YTHDF3: variants seen among roughly 807,000 people sequenced by gnomAD.
YTHDF3 encodes the protein YTH domain-containing family protein 3.
A neutral mutation model predicts 52.5 loss-of-function variants in YTHDF3; 9 were observed. The observed-to-expected ratio is 0.17, with a 90% confidence interval of 0.10 to 0.30. The LOEUF (loss-of-function observed/expected upper bound fraction) is 0.30, where lower values mean the gene tolerates loss of function less well. Ranked by LOEUF, YTHDF3 falls within the 10% of genes least tolerant of loss-of-function variation. YTHDF3 has a pLI of 1.00. For synonymous variants in YTHDF3, 274 were observed against 243.3 expected (o/e 1.13, Z -1.18); for missense variants, 534 against 715.0 (o/e 0.75, Z 2.89).
intron 1 of YTHDF3, 95 bp downstream of exon 1, chr8:63,168,996 C>A: frequency 1.3e-6 from 2 of 1,507,630 alleles, no homozygotes; most frequent in Non-Finnish European, 1.8e-6. Context: ...CCGCCGCTGC[C>A]GGCCCCATAA....
At chr8:63,208,666 T>C (rs1810189945) in intron 4 of YTHDF3, among the ~76,000 whole-genome samples, 1 of 152,232 alleles carries the variant, frequency 6.6e-6, no homozygotes, top group Non-Finnish European at 1.5e-5. Flanking sequence ...GTTCAGTTGA[T>C]AGGCATGTAC....
At chr8:63,200,306 G>T (rs1809521423) in intron 4 of YTHDF3, among the ~76,000 whole-genome samples, 1 of 152,162 alleles carries the variant, frequency 6.6e-6, no homozygotes, top group Non-Finnish European at 1.5e-5. Flanking sequence ...AGTAAGCTGA[G>T]GAGGCAGTAG....
chr8:63,180,044 C>T (rs1470913563), intron 3 of YTHDF3, among the ~76,000 whole-genome samples: 11 of 151,326 alleles, frequency 7.3e-5, no homozygotes, highest in African/African-American at 9.7e-5. Context: ...ATCTCCCTCC[C>T]GGACGGGGCG....
At position 63,187,153 on chromosome 8, in the gene YTHDF3, C is replaced by T. The variant is rs773417481; in HGVS notation, c.1142C>T (p.Pro381Leu). ...GAAAACTTTGGTTTAGGTGTTGTAC[C>T]TGTCAGTGCTTCACCTTCTAGTGTA... is the stretch of plus-strand genomic sequence containing the variant. ...GSENFGLGVVPVSASPSSVEV... is the reference protein window; with the variant it reads ...GSENFGLGVVLVSASPSSVEV... The change falls in exon 4 of 5, where the codon CCT becomes CTT. Residue 381 changes from proline (P) to leucine (L), a missense_variant. Around this residue, in one of 3 missense-constraint regions of YTHDF3, gnomAD observed 203 missense variants for 201.3 expected, o/e 1.01. Transcript: ENST00000539294. 1.7e-5 allele frequency: 28 copies of T among 1,613,828 alleles called. No individual in the cohort carries two copies. Among genetic ancestry groups the T allele is most frequent in the Middle Eastern group, 1.6e-4 (1 of 6,084 alleles).
At chr8:63,206,748 GT>G (rs939931522) in intron 4 of YTHDF3, among the ~76,000 whole-genome samples, 3 of 149,256 alleles carry the variant, frequency 2.0e-5, no homozygotes, top group African/African-American at 7.4e-5. Flanking sequence ...CTTTTCTATT[GT>G]TTTTTTTTCC....
chr8:63,198,345 C>T, intron 4 of YTHDF3, among the ~76,000 whole-genome samples: 1 of 152,152 alleles, frequency 6.6e-6, no homozygotes, highest in East Asian at 1.9e-4. Context: ...GGGCTCACTG[C>T]AGTCTCCACC....
rs773834763 is a variant in YTHDF3 at position 63,187,138 on chromosome 8, G to C, written c.1127G>C (p.Gly376Ala). 10 of 1,613,954 alleles carry C rather than the reference G, an allele frequency of 6.2e-6. No individual in the cohort carries two copies. Among genetic ancestry groups the C allele is most frequent in the South Asian group, 5.5e-5 (5 of 91,078 alleles). The part of the protein sequence containing the change: ...QNNGAGSENF[G>A]LGVVPVSASP... ...AATGGAGCGGGCAGTGAAAACTTTG[G>C]TTTAGGTGTTGTACCTGTCAGTGCT... The change falls in exon 4 of 5, where the codon GGT (glycine) becomes GCT (alanine). Residue 376 changes from glycine (G) to alanine (A), a missense_variant. Gly to Ala is a moderately conservative substitution (Grantham distance 60). Around this residue, in one of 3 missense-constraint regions of YTHDF3, gnomAD observed 203 missense variants for 201.3 expected, o/e 1.01. Transcript: ENST00000539294.
rs751669769 is a variant in YTHDF3 at position 63,187,167 on chromosome 8, C to T, written c.1156C>T (p.Pro386Ser). 10 of 1,613,864 alleles carry T rather than the reference C, an allele frequency of 6.2e-6. No homozygotes were observed. In the African/African-American group the frequency reaches 1.1e-4, roughly 17 times the overall value. ...GLGVVPVSAS[P>S]SSVEVHPVLE... ...AGGTGTTGTACCTGTCAGTGCTTCACCTTCTAGTGTAGAAGTGCATCCCGT... is the reference window on the plus strand; with the variant it reads ...AGGTGTTGTACCTGTCAGTGCTTCATCTTCTAGTGTAGAAGTGCATCCCGT... Residue 386 changes from proline (P) to serine (S), a missense_variant, in exon 4 of 5, where the codon CCT (proline) becomes TCT (serine). Pro to Ser is a moderately conservative substitution (Grantham distance 74). Around this residue, in one of 3 missense-constraint regions of YTHDF3, gnomAD observed 203 missense variants for 201.3 expected, o/e 1.01. Coordinates refer to ENST00000539294, the MANE Select transcript of YTHDF3 (RefSeq NM_152758.6).
At chr8:63,175,218 A>T (rs1399782004) in intron 2 of YTHDF3, 113 bp from the exon 3 acceptor site, 42 of 692,690 alleles carry the variant, frequency 6.1e-5, no homozygotes. Context: ...AAAATAACTC[A>T]GTATTATTTT....
At chr8:63,180,535 G>A (rs1344682232) in intron 3 of YTHDF3, among the ~76,000 whole-genome samples, 1 of 151,852 alleles carries the variant, frequency 6.6e-6, no homozygotes, top group Non-Finnish European at 1.5e-5. Flanking sequence ...GACGATGGGC[G>A]GCCGGGCAGA....
chr8:63,210,321 G>A lies in YTHDF3; in HGVS notation c.*615G>A, dbSNP rs1810305215. On this transcript the variant is annotated 3_prime_UTR_variant, in exon 5 of 5. Transcript: ENST00000539294. ...ATTTCCCTTGTCTTCAAACTGTTTG[G>A]TGTAACAGAATATTGATATGCAGCT... 1 of 152,542 alleles carries A rather than the reference G, an allele frequency of 6.6e-6. No individual in the cohort carries two copies. The highest frequency in any genetic ancestry group is 2.1e-4 in the South Asian group (1 of 4,822). 9.4% of individuals were successfully genotyped at this position (152,542 alleles called of 1,614,324 possible).
intron 3 of YTHDF3, among the ~76,000 whole-genome samples, chr8:63,179,212 G>C (rs1359015479): frequency 2.6e-5 from 4 of 151,698 alleles, no homozygotes; most frequent in African/African-American, 9.7e-5. Context: ...GTAAATGTCA[G>C]TCCTTCATTT....
Position 63,192,532 on chromosome 8 carries a change from T to C in YTHDF3, c.1734+4787T>C, listed in dbSNP as rs1808978315. 2.0e-5 allele frequency among the ~76,000 whole-genome samples: 3 copies of C among 152,228 alleles called. No individual in the cohort carries two copies. In the South Asian group the frequency reaches 6.2e-4, roughly 31 times the overall value. The stretch of plus-strand genomic sequence containing the variant: ...AAACCACTGTGTTAGAAACCAGTTT[T>C]CCTTGCTTGTTAGCTGGTTAGCATA... On this transcript the variant is annotated intron_variant, in intron 4 of 4. Coordinates refer to ENST00000539294, the MANE Select transcript of YTHDF3 (RefSeq NM_152758.6).
At chr8:63,171,111 TTTTC>T (rs1403797899) in intron 2 of YTHDF3, among the ~76,000 whole-genome samples, 2 of 152,182 alleles carry the variant, frequency 1.3e-5, no homozygotes, top group Non-Finnish European at 2.9e-5. Flanking sequence ...TCTCAAGAAA[TTTTC>T]TTTCTTTCCC....
At chr8:63,208,549 G>A (rs1203649864) in intron 4 of YTHDF3, among the ~76,000 whole-genome samples, 2 of 152,148 alleles carry the variant, frequency 1.3e-5, no homozygotes, top group African/African-American at 4.8e-5. Context: ...TAGGTTCCAC[G>A]TCAGACCTCT....
chr8:63,188,750 G>T (rs1210988230), intron 4 of YTHDF3: 2 of 107,816 alleles, frequency 1.9e-5, no homozygotes, highest in Non-Finnish European at 3.4e-5. Flanking sequence ...GTCGCTCTCT[G>T]TCGCCCAGGC....
At chr8:63,174,988 A>C (rs1807588809) in intron 2 of YTHDF3, among the ~76,000 whole-genome samples, 1 of 152,204 alleles carries the variant, frequency 6.6e-6, no homozygotes, top group Non-Finnish European at 1.5e-5. Context: ...GTTATTTTAC[A>C]TTCAAATATA....
chr8:63,207,177 G>C (rs1469775099), intron 4 of YTHDF3, among the ~76,000 whole-genome samples: 1 of 152,148 alleles, frequency 6.6e-6, no homozygotes, highest in Non-Finnish European at 1.5e-5. Context: ...CTGTTATGTA[G>C]CATGTTGTGA....
chr8:63,202,509 T>G (rs1020224600), intron 4 of YTHDF3, among the ~76,000 whole-genome samples: 1 of 150,902 alleles, frequency 6.6e-6, no homozygotes. Context: ...TTGCCCAGAC[T>G]GGAGTGCAAT....
Sources: gnomAD v4.1 joint callset for allele counts (sites outside exome capture counted in the v4.1 genomes callset) on GRCh38, gnomAD v4.1.1 for gene constraint, gnomAD v4.1.1 regional missense constraint, MANE v1.5 for transcripts, NCBI Gene and HGNC (gene_info 2026-07-23, HGNC 2026-07-21) for gene names.